The following RALGAPA1 variants were observed in gnomAD, a reference collection of about 807,000 sequenced individuals.
RALGAPA1 encodes Ral GTPase activating protein catalytic subunit alpha 1, also known as ral GTPase-activating protein subunit alpha-1.
Under a neutral mutation model 269.6 loss-of-function variants are expected in RALGAPA1, and 52 were observed. The observed-to-expected ratio is 0.19, with a 90% CI of 0.15 to 0.24. RALGAPA1 has a LOEUF of 0.24. RALGAPA1 is among the 10% of genes least tolerant of loss of function. The pLI is 1.00. For missense variants in RALGAPA1, 1,917 were observed against 3,013.9 expected, an observed-to-expected ratio of 0.64 and a Z score of 8.52; for synonymous variants, 817 against 1,008.3, an observed-to-expected ratio of 0.81 and a Z score of 3.60.
intron 21 of RALGAPA1, among the ~76,000 whole-genome samples, 171 bp from the exon 22 acceptor site, chr14:35,678,273 G>A (rs2065129507): frequency 6.6e-6 from 1 of 152,092 alleles, no homozygotes; most frequent in Non-Finnish European, 1.5e-5. Context: ...TTTATATCTA[G>A]GAGTCTCCTC....
At chr14:35,633,549 T>C (rs929239894) in intron 33 of RALGAPA1, among the ~76,000 whole-genome samples, 1 of 152,166 alleles carries the variant, frequency 6.6e-6, no homozygotes, top group African/African-American at 2.4e-5. Context: ...ACTTTTGGTT[T>C]TGTGAGCCAC....
intron 21 of RALGAPA1, among the ~76,000 whole-genome samples, chr14:35,682,595 C>CATG (rs1566991277): frequency 6.6e-6 from 1 of 152,166 alleles, no homozygotes; most frequent in Non-Finnish European, 1.5e-5. Context: ...TGTGAGCCAC[C>CATG]ATGCCCGGCC....
At chr14:35,726,019 G>A (rs1328442185) in intron 13 of RALGAPA1, among the ~76,000 whole-genome samples, 1 of 152,118 alleles carries the variant, frequency 6.6e-6, no homozygotes, top group Non-Finnish European at 1.5e-5. Context: ...AACCACATAT[G>A]AAAAAGAGGC....
At chr14:35,757,521 C>T (rs1354445361) in intron 6 of RALGAPA1, among the ~76,000 whole-genome samples, 1 of 152,178 alleles carries the variant, frequency 6.6e-6, no homozygotes, top group African/African-American at 2.4e-5. Flanking sequence ...TGTAACATCT[C>T]AGTTGAGAAA....
intron 1 of RALGAPA1, among the ~76,000 whole-genome samples, chr14:35,794,623 AT>A (rs1005217379): frequency 2.8e-4 from 42 of 151,896 alleles, no homozygotes; most frequent in Middle Eastern, 3.4e-3. Flanking sequence ...CGCCCGGCTA[AT>A]TTTTTTGTAT....
intron 26 of RALGAPA1, among the ~76,000 whole-genome samples, chr14:35,665,962 G>A (rs2063893723): frequency 6.6e-6 from 1 of 151,486 alleles, no homozygotes; most frequent in Admixed American, 6.6e-5. Context: ...GAGATGATAT[G>A]AATGAAATCT....
At chr14:35,710,324 C>T (rs889808596) in intron 16 of RALGAPA1, among the ~76,000 whole-genome samples, 2 of 152,096 alleles carry the variant, frequency 1.3e-5, no homozygotes, top group African/African-American at 4.8e-5. Context: ...TGCAGTGGCA[C>T]GATCTCAGCT....
At position 35,695,697 on chromosome 14, in the gene RALGAPA1, G is replaced by A. The variant is rs150863663; in HGVS notation, c.2407+4465C>T. Among the ~76,000 whole-genome samples the A allele has an allele frequency of 6.8e-4, 103 of 152,306 alleles. No individual in the cohort carries two copies. In the East Asian group the frequency reaches 0.012, roughly 18 times the overall value. ...TACTAAATAAGAAACATTTGTGGAA[G>A]TATACACAAAGCTGCCTACCATGTT... On this transcript the variant is annotated intron_variant, in intron 17 of 41. Transcript: ENST00000680220.
chr14:35,724,927 C>A, intron 14 of RALGAPA1, 97 bp downstream of exon 14: 1 of 971,318 alleles, frequency 1.0e-6, no homozygotes, highest in South Asian at 3.1e-5. Context: ...GTAACAAGTT[C>A]AGGGTTCAAT....
intron 16 of RALGAPA1, among the ~76,000 whole-genome samples, chr14:35,710,587 CT>C (rs1473124943): frequency 6.6e-6 from 1 of 152,138 alleles, no homozygotes; most frequent in African/African-American, 2.4e-5. Flanking sequence ...TAATACCCCT[CT>C]TTATTCTTGA....
chr14:35,607,373 C>T (rs1029841941), intron 35 of RALGAPA1, among the ~76,000 whole-genome samples: 5 of 152,184 alleles, frequency 3.3e-5, no homozygotes, highest in African/African-American at 1.2e-4. Context: ...TTACTAGAGG[C>T]ATTTCTCATC....
intron 10 of RALGAPA1, among the ~76,000 whole-genome samples, chr14:35,746,513 T>C (rs2072114873): frequency 6.6e-6 from 1 of 152,208 alleles, no homozygotes; most frequent in South Asian, 2.1e-4. Context: ...CATCACAATG[T>C]ACACCTTAAA....
chr14:35,674,169 A>G lies in RALGAPA1; in HGVS notation c.4917+11T>C. The G allele has an allele frequency of 1.9e-6, 3 of 1,573,862 alleles. No individual in the cohort carries two copies. Among genetic ancestry groups the G allele is most frequent in the Non-Finnish European group, 2.6e-6 (3 of 1,148,898 alleles). On this transcript the variant is annotated intron_variant, in intron 24 of 41. Coordinates refer to ENST00000680220, the MANE Select transcript of RALGAPA1 (RefSeq NM_001346249.2). ...GAAGTTTTAAACTAATATTTTATAT[A>G]TTAAGCTTACCTTAAAAAGCCAAGG...
intron 39 of RALGAPA1, among the ~76,000 whole-genome samples, chr14:35,564,778 C>G (rs949010043): frequency 2.0e-5 from 3 of 151,976 alleles, no homozygotes; most frequent in African/African-American, 7.3e-5. Flanking sequence ...CATACAAAAC[C>G]TTAGGACTAT....
In RALGAPA1 at chr14:35,627,463, C is replaced by T. The variant is rs573868953; in HGVS notation, c.6484G>A (p.Gly2162Arg). ...AATCTTTTAAACTGGAGAGAAAGTC[C>T]ATCTTTTACGGTTATATCTTCTAAG... Reference protein sequence around the residue: ...ECLEDITVKDGLSLQFKRFRE... With the variant: ...ECLEDITVKDRLSLQFKRFRE... The change falls in exon 34 of 42, where the codon GGA becomes AGA. Residue 2162 changes from glycine (G) to arginine (R), a missense_variant. This residue lies in a region of RALGAPA1 where 25 missense variants were observed against 19.2 expected (regional missense o/e 1.30). Transcript: ENST00000680220. The T allele has an allele frequency of 1.0e-4, 162 of 1,613,414 alleles. No homozygotes were observed. In the East Asian group the frequency reaches 3.6e-3, roughly 36 times the overall value.
chr14:35,704,907 C>T (rs1459045512), intron 16 of RALGAPA1, among the ~76,000 whole-genome samples: 4 of 152,002 alleles, frequency 2.6e-5, no homozygotes, highest in Non-Finnish European at 5.9e-5. Context: ...TGGAGAATGA[C>T]ACAAACTAAA....
chr14:35,630,416 T>G (rs1026164648), intron 33 of RALGAPA1, among the ~76,000 whole-genome samples: 4 of 151,920 alleles, frequency 2.6e-5, no homozygotes, highest in African/African-American at 9.7e-5. Context: ...GCTTCCCAAA[T>G]AGCTGGTATT....
chr14:35,659,262 T>G (rs1202449322), intron 27 of RALGAPA1, 66 bp from the exon 28 acceptor site: 1 of 1,210,636 alleles, frequency 8.3e-7, no homozygotes, highest in African/African-American at 1.5e-5. Context: ...TACAAATATT[T>G]ATTAAGTGGT....
intron 16 of RALGAPA1, among the ~76,000 whole-genome samples, chr14:35,710,382 A>G (rs1052969845): frequency 2.0e-5 from 3 of 152,092 alleles, no homozygotes; most frequent in Non-Finnish European, 4.4e-5. Flanking sequence ...CTGTCTCCCA[A>G]GTAGCTGGGA....
Sources: allele counts gnomAD v4.1 joint callset (sites outside exome capture counted in the v4.1 genomes callset), GRCh38; gene constraint gnomAD v4.1.1; regional missense constraint gnomAD v4.1.1; transcripts MANE v1.5; gene names NCBI Gene and HGNC (gene_info 2026-07-23, HGNC 2026-07-21).